The following CYFIP2 variants were observed in gnomAD, a reference collection of about 807,000 sequenced individuals.
CYFIP2 encodes cytoplasmic FMR1-interacting protein 2.
Under a neutral mutation model 158.7 loss-of-function variants are expected in CYFIP2, and 29 were observed. The observed-to-expected ratio is 0.18, with a 90% CI of 0.14 to 0.25. The LOEUF (loss-of-function observed/expected upper bound fraction) is 0.25, where lower values mean the gene tolerates loss of function less well. CYFIP2 is among the 10% of genes least tolerant of loss of function. The pLI, the probability that CYFIP2 is intolerant of heterozygous loss-of-function variation, is 1.00. For synonymous variants in CYFIP2, 585 were observed against 617.6 expected (o/e 0.95, Z 0.78); for missense variants, 852 against 1,639.5 (o/e 0.52, Z 8.29).
chr5:157,343,346 T>C lies in CYFIP2; in HGVS notation c.2673+2189T>C, dbSNP rs781037964. ...GTAGAGAGTGGAAGGGGCAAGATGT[T>C]CCAGCACCACGGAGCTGATCGTTCG... On this transcript the variant is annotated intron_variant, in intron 23 of 30. Transcript: ENST00000620254. 39 of 1,614,158 alleles carry C rather than the reference T, an allele frequency of 2.4e-5. No homozygotes were observed. The highest frequency in any genetic ancestry group is 3.3e-5 in the Non-Finnish European group (39 of 1,180,024).
At chr5:157,324,194 A>G in intron 16 of CYFIP2, 120 bp downstream of exon 16, 1 of 1,190,076 alleles carries the variant, frequency 8.4e-7, no homozygotes, top group Non-Finnish European at 1.1e-6. Context: ...AGGGGCACAT[A>G]TCACCACCAA....
chr5:157,392,649 A>AG (rs1390977140), intron 30 of CYFIP2, among the ~76,000 whole-genome samples, 184 bp from the exon 31 acceptor site: 1 of 152,122 alleles, frequency 6.6e-6, no homozygotes, highest in African/African-American at 2.4e-5. Flanking sequence ...TAAAACTTGG[A>AG]GAGGGTTTTT....
intron 22 of CYFIP2, among the ~76,000 whole-genome samples, 151 bp downstream of exon 22, chr5:157,339,407 T>G (rs186294798): frequency 1.6e-4 from 24 of 152,346 alleles, no homozygotes; most frequent in Admixed American, 5.2e-4. Flanking sequence ...GCTGTCTCAC[T>G]TGCCTAAGGT....
intron 28 of CYFIP2, 113 bp from the exon 29 acceptor site, chr5:157,389,076 C>T: frequency 9.9e-7 from 1 of 1,009,684 alleles, no homozygotes; most frequent in Non-Finnish European, 1.4e-6. Flanking sequence ...AAGACCAGTT[C>T]TGGTGAACCA....
intron 26 of CYFIP2, among the ~76,000 whole-genome samples, chr5:157,370,464 C>A (rs1764893067): frequency 6.6e-6 from 1 of 152,184 alleles, no homozygotes; most frequent in Admixed American, 6.5e-5. Context: ...CAAAATACAG[C>A]AAAGTCATAT....
intron 23 of CYFIP2, chr5:157,343,029 G>A (rs2113257167): frequency 1.2e-6 from 2 of 1,614,212 alleles, no homozygotes; most frequent in South Asian, 1.1e-5. Context: ...TCCTCCCTCT[G>A]ACCAAGATCC....
rs1037260352 is a variant in CYFIP2, at chr5:157,380,891, G to C, written c.3040-1699G>C. ...GAAGGCCAGGTTATGGGATTTACTA[G>C]AAAGGAAAGAAACAAACACCTCACT... On this transcript the variant is annotated intron_variant, in intron 26 of 30. Transcript: ENST00000620254. Among the ~76,000 whole-genome samples, 6 of 152,232 alleles carry C rather than the reference G, an allele frequency of 3.9e-5. No individual in the cohort carries two copies. The East Asian group carries it at 7.7e-4, about 20-fold the overall frequency.
chr5:157,391,638 T>A (rs1767299461), intron 30 of CYFIP2, among the ~76,000 whole-genome samples: 2 of 152,216 alleles, frequency 1.3e-5, no homozygotes, highest in African/African-American at 4.8e-5. Context: ...CTGTATAATA[T>A]TGCATTGTGT....
chr5:157,309,769 C>T lies in CYFIP2; in HGVS notation c.927C>T (p.Gly309=), dbSNP rs780889999. The T allele has an allele frequency of 5.6e-6, 9 of 1,607,284 alleles. No homozygotes were observed. Among genetic ancestry groups the T allele is most frequent in the Admixed American group, 3.4e-5 (2 of 59,128 alleles). ...AGCTGCAGGTGGTGCCCCTTTTCGG[C>T]GACATGCAGATAGAGCTGGCCAGAT... ...FKQLQVVPLF[G]DMQIELARYI... is the part of the protein sequence containing the mutation. The change falls in exon 10 of 31, where the codon GGC becomes GGT. Residue 309 remains glycine (G), a synonymous_variant. Transcript: ENST00000620254.
At chr5:157,314,551 G>T in intron 12 of CYFIP2, 88 bp downstream of exon 12, 1 of 1,495,036 alleles carries the variant, frequency 6.7e-7, no homozygotes, top group South Asian at 1.4e-5. Flanking sequence ...CTTTTTAACA[G>T]ATTTACGGAG....
rs73814086 is a variant in CYFIP2 at position 157,279,635 on chromosome 5, G to A, written c.-23-5704G>A. Among the ~76,000 whole-genome samples the A allele has an allele frequency of 3.9e-3, 597 of 152,292 alleles. 2 individuals carry two copies. The highest frequency in any genetic ancestry group is 0.014 in the African/African-American group (564 of 41,554). On this transcript the variant is annotated intron_variant, in intron 1 of 30. Transcript: ENST00000620254. The stretch of plus-strand genomic sequence containing the variant: ...TTACTTTTGGTGAAACCAGGCCACC[G>A]ACTGAGTTTGTTATGAAGACACTGC...
chr5:157,381,102 T>C (rs770561276), intron 26 of CYFIP2, among the ~76,000 whole-genome samples: 11 of 151,700 alleles, frequency 7.3e-5, no homozygotes, highest in Non-Finnish European at 1.5e-4. Flanking sequence ...ATAAACAGAG[T>C]GAAATAATAC....
intron 3 of CYFIP2, among the ~76,000 whole-genome samples, chr5:157,293,281 C>T (rs1757982625): frequency 1.3e-5 from 2 of 152,116 alleles, no homozygotes; most frequent in South Asian, 2.1e-4. Flanking sequence ...ATCTTGAACT[C>T]CTGACCTCAG....
At chr5:157,310,686 G>C (rs1759639168) in intron 10 of CYFIP2, among the ~76,000 whole-genome samples, 1 of 152,228 alleles carries the variant, frequency 6.6e-6, no homozygotes, top group African/African-American at 2.4e-5. Context: ...TGGGAGCGGA[G>C]GCTAGGGAAG....
intron 23 of CYFIP2, among the ~76,000 whole-genome samples, chr5:157,344,186 G>A (rs1762511214): frequency 6.6e-6 from 1 of 152,112 alleles, no homozygotes; most frequent in Non-Finnish European, 1.5e-5. Context: ...TATTTTATGG[G>A]TGAAGATAAT....
rs769817015 is a variant in CYFIP2, at chr5:157,389,329, C to A, written c.3348C>A (p.Gly1116=). ...GGCGGGGCCCACCGCCCACCAATGG[C>A]GTCATGCACGTCGATGAGTGTGTGG... ...PIWRGPPPTN[G]VMHVDECVEF... Residue 1116 remains glycine, a synonymous_variant, in exon 29 of 31, where the codon GGC becomes GGA. Transcript: ENST00000620254. 3 of 1,613,996 alleles carry A rather than the reference C, an allele frequency of 1.9e-6. No homozygotes were observed. The highest frequency in any genetic ancestry group is 2.5e-6 in the Non-Finnish European group (3 of 1,179,872).
chr5:157,309,026 A>C (rs1759478837), intron 9 of CYFIP2, among the ~76,000 whole-genome samples: 1 of 152,204 alleles, frequency 6.6e-6, no homozygotes, highest in African/African-American at 2.4e-5. Context: ...TAGATGACTC[A>C]GAGCCCTGGG....
At chr5:157,364,294 A>G (rs1227617830) in intron 26 of CYFIP2, 2 of 151,850 alleles carry the variant, frequency 1.3e-5, no homozygotes, top group Non-Finnish European at 2.9e-5. Flanking sequence ...GAGACCATCA[A>G]TTCAGCTTCC....
rs1055930120 is a variant in CYFIP2, at chr5:157,304,144, G to T, written c.667-94G>T. The T allele has an allele frequency of 4.1e-6, 6 of 1,456,470 alleles. No individual in the cohort carries two copies. In the African/African-American group the frequency reaches 8.5e-5, roughly 21 times the overall value. 90.2% of individuals were successfully genotyped at this position (1,456,470 alleles called of 1,614,324 possible). A position where few individuals can be genotyped will look rare whatever the true frequency, so the allele number is the denominator to read the frequency against. On this transcript the variant is annotated intron_variant, in intron 7 of 30. Coordinates refer to ENST00000620254, the MANE Select transcript of CYFIP2 (RefSeq NM_001037333.3). ...GCTGTGATTCCTGGCCATCAGCGGG[G>T]ACCACACCGGCCAGCTGTAGGGCTT...
Sources: allele counts gnomAD v4.1 joint callset (sites outside exome capture counted in the v4.1 genomes callset), GRCh38; gene constraint gnomAD v4.1.1; transcripts MANE v1.5; gene names NCBI Gene and HGNC (gene_info 2026-07-23, HGNC 2026-07-21).